TSPAN2: variants seen among roughly 807,000 people sequenced by gnomAD.
TSPAN2 encodes the protein tetraspanin-2.
In TSPAN2, 24 loss-of-function variants were observed where a neutral mutation model predicts 33.3. The observed-to-expected ratio is 0.72, with a 90% CI of 0.52 to 1.01. TSPAN2 has a LOEUF of 1.01. Ranked by LOEUF, TSPAN2 falls within the 50% of genes least tolerant of loss-of-function variation. The pLI, the probability that TSPAN2 is intolerant of heterozygous loss-of-function variation, is 0.00. For synonymous variants in TSPAN2, 114 were observed against 104.5 expected (o/e 1.09, Z -0.56); for missense variants, 278 against 281.3 (o/e 0.99, Z 0.08).
At chr1:115,088,539 A>G (rs189343761) in intron 1 of TSPAN2, among the ~76,000 whole-genome samples, 12 of 152,298 alleles carry the variant, frequency 7.9e-5, no homozygotes, top group African/African-American at 2.9e-4. Context: ...GTCTAGCTGT[A>G]TCCCTGTCTC....
At chr1:115,080,888 T>G (rs1263454126) in intron 1 of TSPAN2, among the ~76,000 whole-genome samples, 1 of 152,194 alleles carries the variant, frequency 6.6e-6, no homozygotes, top group Non-Finnish European at 1.5e-5. Flanking sequence ...ATGACTACTG[T>G]GACATCTCAT....
At chr1:115,054,130 T>A (rs1400382048) in intron 6 of TSPAN2, among the ~76,000 whole-genome samples, 1 of 152,128 alleles carries the variant, frequency 6.6e-6, no homozygotes, top group Non-Finnish European at 1.5e-5. Flanking sequence ...GCCAAATAGA[T>A]CACCTGTAAC....
chr1:115,076,176 G>GT (rs1204388888), intron 1 of TSPAN2, among the ~76,000 whole-genome samples: 3 of 152,166 alleles, frequency 2.0e-5, no homozygotes, highest in African/African-American at 7.2e-5. Context: ...TGAGTGAGAA[G>GT]TCACTGGGCA....
chr1:115,070,661 C>G (rs1449769469), intron 2 of TSPAN2, among the ~76,000 whole-genome samples: 1 of 152,036 alleles, frequency 6.6e-6, no homozygotes, highest in Non-Finnish European at 1.5e-5. Flanking sequence ...CATGCCTTCC[C>G]CTCAGCCTTT....
chr1:115,056,667 T>A (rs1184649135), intron 6 of TSPAN2, among the ~76,000 whole-genome samples: 1 of 152,240 alleles, frequency 6.6e-6, no homozygotes, highest in Non-Finnish European at 1.5e-5. Context: ...CGTTTCCCTC[T>A]GTGCTTTCCG....
At chr1:115,057,676 G>C (rs778354033) in intron 5 of TSPAN2, 68 bp from the exon 6 acceptor site, 48 of 1,477,234 alleles carry the variant, frequency 3.2e-5, no homozygotes, top group Non-Finnish European at 4.4e-5. Context: ...TGGGCACCCT[G>C]CTAAGGACTG....
chr1:115,072,993 G>C lies in TSPAN2; in HGVS notation c.84C>G (p.Ala28=), dbSNP rs756437391. 5 of 1,614,146 alleles carry C rather than the reference G, an allele frequency of 3.1e-6. No homozygotes were observed. The East Asian group carries it at 8.9e-5, about 29-fold the overall frequency. ...FNLLFWLAGS[A]VIAFGLWFRF... ...GAAACCATAGTCCAAAAGCAATGAC[G>C]GCCGATCCAGCCAGCTGGAAGGCAA... is the stretch of plus-strand genomic sequence containing the variant. The change falls in exon 2 of 8, where the codon GCC becomes GCG. Residue 28 remains alanine, a synonymous_variant. Transcript: ENST00000369516.
chr1:115,074,307 T>C (rs1322894737), intron 1 of TSPAN2, among the ~76,000 whole-genome samples: 1 of 152,200 alleles, frequency 6.6e-6, no homozygotes, highest in Non-Finnish European at 1.5e-5. Flanking sequence ...CTGGACGATC[T>C]GGCTGGATTT....
chr1:115,063,186 T>C (rs560888886), intron 2 of TSPAN2, among the ~76,000 whole-genome samples: 1 of 152,336 alleles, frequency 6.6e-6, no homozygotes, highest in East Asian at 1.9e-4. Flanking sequence ...ACCAAAGGTC[T>C]AATATCCAGA....
chr1:115,076,438 T>A (rs1428769460), intron 1 of TSPAN2, among the ~76,000 whole-genome samples: 1 of 152,022 alleles, frequency 6.6e-6, no homozygotes, highest in Non-Finnish European at 1.5e-5. Flanking sequence ...GGAGCATGAA[T>A]GTTACCTGGA....
Position 115,058,941 on chromosome 1 carries a change from T to C in TSPAN2, c.386A>G (p.Asn129Ser), listed in dbSNP as rs964927527. 3 of 1,614,144 alleles carry C rather than the reference T, an allele frequency of 1.9e-6. No individual in the cohort carries two copies. Among genetic ancestry groups the C allele is most frequent in the Non-Finnish European group, 2.5e-6 (3 of 1,180,004 alleles). ...HVQTMYEEAYNDYLKDRGKGN... is the reference protein window; with the variant it reads ...HVQTMYEEAYSDYLKDRGKGN... ...TTTTCCCCTGTCTTTAAGGTAATCA[T>C]TGTAAGCCTCTTCATACATGGTCTG... The change falls in exon 5 of 8, where the codon AAT (asparagine) becomes AGT (serine). Residue 129 changes from asparagine to serine, a missense_variant. Transcript: ENST00000369516.
intron 1 of TSPAN2, among the ~76,000 whole-genome samples, chr1:115,079,221 C>T (rs866453993): frequency 2.4e-4 from 37 of 151,916 alleles, no homozygotes; most frequent in African/African-American, 8.2e-4. Flanking sequence ...TGTATTCTTG[C>T]TTCTCCAGGG....
At chr1:115,071,407 T>C (rs908769213) in intron 2 of TSPAN2, among the ~76,000 whole-genome samples, 3 of 152,190 alleles carry the variant, frequency 2.0e-5, no homozygotes, top group Non-Finnish European at 4.4e-5. Context: ...TGCAGCTATC[T>C]TTTAAGGGGA....
chr1:115,062,279 C>T (rs1401707303), intron 2 of TSPAN2, 47 bp from the exon 3 acceptor site: 1 of 1,462,512 alleles, frequency 6.8e-7, no homozygotes, highest in South Asian at 1.2e-5. Flanking sequence ...AACCGAGTGC[C>T]TCCACGACCA....
At chr1:115,059,822 CTAAAA>C (rs1647597727) in intron 4 of TSPAN2, among the ~76,000 whole-genome samples, 1 of 152,122 alleles carries the variant, frequency 6.6e-6, no homozygotes, top group Non-Finnish European at 1.5e-5. Context: ...GTTTTATAGT[CTAAAA>C]TAAGTTCAGA....
intron 2 of TSPAN2, among the ~76,000 whole-genome samples, chr1:115,064,271 C>T (rs1037943664): frequency 1.3e-5 from 2 of 152,230 alleles, no homozygotes; most frequent in South Asian, 2.1e-4. Context: ...CCCACAGAAG[C>T]GAGCTGAATG....
chr1:115,072,520 G>C (rs1177716257), intron 2 of TSPAN2, among the ~76,000 whole-genome samples: 1 of 152,204 alleles, frequency 6.6e-6, no homozygotes, highest in Non-Finnish European at 1.5e-5. Context: ...CACACTTGTG[G>C]TGTACCCACT....
rs557532379 is a variant in TSPAN2 at position 115,059,033 on chromosome 1, A to T, written c.346-52T>A. 1.1e-5 allele frequency: 15 copies of T among 1,387,694 alleles called. No individual in the cohort carries two copies. In the South Asian group the frequency reaches 1.8e-4, roughly 16 times the overall value. The allele number at this position is 1,387,694 out of a possible 1,614,324, so 86.0% of individuals were successfully genotyped here. A position where few individuals can be genotyped will look rare whatever the true frequency, so the allele number is the denominator to read the frequency against. On this transcript the variant is annotated intron_variant, in intron 4 of 7. Coordinates refer to ENST00000369516, the MANE Select transcript of TSPAN2 (RefSeq NM_005725.6). ...GACTTCTGGGTGGGAAGTTTCAAAC[A>T]TTCTCCTTTCATCAAGGAAAATCTC... is the stretch of plus-strand genomic sequence containing the variant.
chr1:115,059,257 T>C (rs1214108564), intron 4 of TSPAN2, among the ~76,000 whole-genome samples: 1 of 141,664 alleles, frequency 7.1e-6, no homozygotes, highest in East Asian at 2.2e-4. Flanking sequence ...AAACACCACC[T>C]GTTCCCCACA....
Sources: gnomAD v4.1 joint callset for allele counts (sites outside exome capture counted in the v4.1 genomes callset) on GRCh38, gnomAD v4.1.1 for gene constraint, MANE v1.5 for transcripts, NCBI Gene and HGNC (gene_info 2026-07-23, HGNC 2026-07-21) for gene names.